The following C4BPB variants were observed in gnomAD, a reference collection of about 807,000 sequenced individuals.
The protein encoded by C4BPB is complement component 4 binding protein beta, also known as C4b-binding protein beta chain.
C4BPB carries 19 observed loss-of-function variants against 26.6 expected under a neutral mutation model. The observed-to-expected ratio is 0.71, with a 90% CI of 0.50 to 1.05. The LOEUF is 1.05. Among genes scored for constraint, C4BPB ranks in the 50% least tolerant of loss-of-function variants. The pLI is 0.00. For missense variants in C4BPB, 282 were observed against 302.9 expected, an observed-to-expected ratio of 0.93 and a Z score of 0.51; for synonymous variants, 118 against 103.5, an observed-to-expected ratio of 1.14 and a Z score of -0.85.
In C4BPB at chr1:207,089,590, G is replaced by T; in HGVS notation, c.58+1G>T. ...GCGTGGCGAGTTTCTGCTTCAGATGGTACGTATGCTTTCCTTCAACTCAGC... is the reference window on the plus strand; with the variant it reads ...GCGTGGCGAGTTTCTGCTTCAGATGTTACGTATGCTTTCCTTCAACTCAGC... On this transcript the variant is annotated splice_donor_variant, in intron 2 of 6. Coordinates refer to ENST00000367078, the MANE Select transcript of C4BPB (RefSeq NM_001017365.3). LOFTEE classifies it high-confidence loss of function. 1 of 1,613,856 alleles carries T rather than the reference G, an allele frequency of 6.2e-7. No homozygotes were observed. The highest frequency in any genetic ancestry group is 8.5e-7 in the Non-Finnish European group (1 of 1,179,796).
rs760444339 is a variant in C4BPB at position 207,098,144 on chromosome 1, G to T, written c.504-6G>T. The stretch of plus-strand genomic sequence containing the variant: ...AAAGCTAAGCCTTGTTCTAATTTCT[G>T]TTCAGGTACTACTTAGTGGGCGTGC... On this transcript the variant is annotated splice_polypyrimidine_tract_variant and splice_region_variant and intron_variant, in intron 5 of 6. Coordinates refer to ENST00000367078, the MANE Select transcript of C4BPB (RefSeq NM_001017365.3). 4 of 1,610,470 alleles carry T rather than the reference G, an allele frequency of 2.5e-6. No homozygotes were observed. The Admixed American group carries it at 6.7e-5, about 27-fold the overall frequency.
In C4BPB at chr1:207,092,461, C is replaced by G. The variant is rs144626402; in HGVS notation, c.409+641C>G. ...TATATACATGGCCACTTTCCTACAC[C>G]AGTCCATGTAGCTCTATTGCCCGCT... On this transcript the variant is annotated intron_variant, in intron 4 of 6. Coordinates refer to ENST00000367078, the MANE Select transcript of C4BPB (RefSeq NM_001017365.3). Among the ~76,000 whole-genome samples, 132 of 152,018 alleles carry G rather than the reference C, an allele frequency of 8.7e-4. 1 individual carries two copies. In the Middle Eastern group the frequency reaches 0.01, roughly 12 times the overall value.
chr1:207,095,722 G>T, intron 4 of C4BPB: 2 of 322,742 alleles, frequency 6.2e-6, no homozygotes, highest in South Asian at 2.5e-5. Flanking sequence ...GTTGGAGGTG[G>T]TGCTTGGTGG....
chr1:207,099,443 G>T (rs1684381647), intron 6 of C4BPB, among the ~76,000 whole-genome samples: 1 of 152,142 alleles, frequency 6.6e-6, no homozygotes, highest in Non-Finnish European at 1.5e-5. Context: ...TGTGGCCCTG[G>T]GGTTGGGGAT....
At chr1:207,089,311 T>C (rs1683925000) in intron 1 of C4BPB, 171 bp from the exon 2 acceptor site, 1 of 470,032 alleles carries the variant, frequency 2.1e-6, no homozygotes, top group South Asian at 4.3e-5. Context: ...CTTTGTATTT[T>C]TGCAGTTCCT....
intron 1 of C4BPB, 57 bp downstream of exon 1, chr1:207,089,003 A>G (rs936042269): frequency 6.4e-6 from 1 of 156,554 alleles, no homozygotes; most frequent in African/African-American, 2.4e-5. Context: ...CAGCCTTAGG[A>G]TATCTGGTAT....
rs1276862620 is a variant in C4BPB, at chr1:207,097,571, A to G, written c.504-579A>G. On this transcript the variant is annotated intron_variant, in intron 5 of 6. Coordinates refer to ENST00000367078, the MANE Select transcript of C4BPB (RefSeq NM_001017365.3). ...AAAAAAAAAAAAAAAATCAGAGAATATAAATACTAAAAAACAAACATAGAA... is the reference window on the plus strand; with the variant it reads ...AAAAAAAAAAAAAAAATCAGAGAATGTAAATACTAAAAAACAAACATAGAA... Among the ~76,000 whole-genome samples the G allele has an allele frequency of 4.0e-5, 6 of 151,782 alleles. No homozygotes were observed. In the East Asian group the frequency reaches 1.2e-3, roughly 29 times the overall value.
intron 4 of C4BPB, among the ~76,000 whole-genome samples, chr1:207,092,811 GAGACGGGGTTT>G (rs1684087884): frequency 2.6e-5 from 4 of 151,826 alleles, no homozygotes; most frequent in South Asian, 4.2e-4. Context: ...ATTTTTAGTA[GAGACGGGGTTT>G]CACCATCTTG....
In C4BPB at chr1:207,091,705, T is replaced by G; in HGVS notation, c.294T>G (p.Asn98Lys). 2 of 1,614,096 alleles carry G rather than the reference T, an allele frequency of 1.2e-6. No homozygotes were observed. The highest frequency in any genetic ancestry group is 1.7e-6 in the Non-Finnish European group (2 of 1,179,994). The change falls in exon 4 of 7, where the codon AAT (asparagine) becomes AAG (lysine). Residue 98 changes from asparagine (N) to lysine (K), a missense_variant. Transcript: ENST00000367078. ...AGTTCAGTTCTTCAGGGCCTGTGAA[T>G]GTAAGTGACAAAATCACGTTTATGT... ...NGEFSSSGPV[N>K]VSDKITFMCN...
At chr1:207,096,712 C>T in intron 5 of C4BPB, 97 bp downstream of exon 5, 1 of 692,884 alleles carries the variant, frequency 1.4e-6, no homozygotes. Flanking sequence ...ATCTGATTTC[C>T]TACTGCTGCA....
chr1:207,099,914 G>A lies in C4BPB; in HGVS notation c.744G>A (p.Lys248=). The A allele has an allele frequency of 6.2e-7, 1 of 1,612,582 alleles. No individual in the cohort carries two copies. The highest frequency in any genetic ancestry group is 1.7e-4 in the Middle Eastern group (1 of 6,060). The change falls in exon 7 of 7, where the codon AAG becomes AAA. Residue 248 remains lysine, a synonymous_variant. Transcript: ENST00000367078. ...YSLELKKAEL[K]AKLL ...TGGAGCTGAAGAAAGCTGAGTTGAA[G>A]GCAAAATTGTTGTAACACTACAGCT...
At chr1:207,099,623 G>A (rs1684387206) in intron 6 of C4BPB, among the ~76,000 whole-genome samples, 166 bp from the exon 7 acceptor site, 1 of 152,150 alleles carries the variant, frequency 6.6e-6, no homozygotes, top group Non-Finnish European at 1.5e-5. Context: ...GTATATTTAA[G>A]CCAGAAAATA....
In C4BPB at chr1:207,098,193, G is replaced by C. The variant is rs1684335502; in HGVS notation, c.547G>C (p.Glu183Gln). ...GCAGGAGCAGCAATGCGTTGATGGG[G>C]AGTGGAGCAGTGCACTTCCAGTCTG... ...GVQEQQCVDGEWSSALPVCKL... is the reference protein window; with the variant it reads ...GVQEQQCVDGQWSSALPVCKL... Residue 183 changes from glutamate (E) to glutamine (Q), a missense_variant, in exon 6 of 7, where the codon GAG (glutamate) becomes CAG (glutamine). Coordinates refer to ENST00000367078, the MANE Select transcript of C4BPB (RefSeq NM_001017365.3). 1.2e-6 allele frequency: 2 copies of C among 1,613,998 alleles called. No homozygotes were observed.
At chr1:207,092,341 A>G (rs1684061194) in intron 4 of C4BPB, among the ~76,000 whole-genome samples, 1 of 152,274 alleles carries the variant, frequency 6.6e-6, no homozygotes. Context: ...TTAAATAAGC[A>G]TTAAATGCCA....
intron 1 of C4BPB, 120 bp from the exon 2 acceptor site, chr1:207,089,362 G>C (rs541195698): frequency 2.3e-4 from 132 of 575,738 alleles, no homozygotes; most frequent in Non-Finnish European, 3.5e-4. Context: ...ATTTCCTGTC[G>C]TAAGATTTTT....
At position 207,098,275 on chromosome 1, in the gene C4BPB, G is replaced by A. The variant is rs1415579941; in HGVS notation, c.618+11G>A. On this transcript the variant is annotated intron_variant, in intron 6 of 6. Coordinates refer to ENST00000367078, the MANE Select transcript of C4BPB (RefSeq NM_001017365.3). Reference sequence around the variant, plus strand: ...TGTGAGAAGGCACTTGTAAGTAGGAGGCTCATATCTGTCTTGTTCACAGCT... The same window carrying A: ...TGTGAGAAGGCACTTGTAAGTAGGAAGCTCATATCTGTCTTGTTCACAGCT... The A allele has an allele frequency of 6.7e-7, 1 of 1,491,944 alleles. No individual in the cohort carries two copies. The allele number at this position is 1,491,944 out of a possible 1,614,324, so 92.4% of individuals were successfully genotyped here. A position where few individuals can be genotyped will look rare whatever the true frequency, so the allele number is the denominator to read the frequency against.
Position 207,090,301 on chromosome 1 carries a change from C to T in C4BPB, c.59-7C>T, listed in dbSNP as rs1222985899. 2 of 1,587,896 alleles carry T rather than the reference C, an allele frequency of 1.3e-6. No homozygotes were observed. The highest frequency in any genetic ancestry group is 1.7e-6 in the Non-Finnish European group (2 of 1,170,818). ...GCCAAGTGAATCTGTTTTCTTTTTT[C>T]TTCCAGCAGAGCACTGTCCAGAGCT... is the stretch of plus-strand genomic sequence containing the variant. On this transcript the variant is annotated splice_region_variant and splice_polypyrimidine_tract_variant and intron_variant, in intron 2 of 6. Transcript: ENST00000367078.
chr1:207,091,468 TCTC>T (rs1254783106), intron 3 of C4BPB, among the ~76,000 whole-genome samples, 173 bp from the exon 4 acceptor site: 3 of 152,226 alleles, frequency 2.0e-5, no homozygotes, highest in Non-Finnish European at 2.9e-5. Context: ...CTTAGGTCAA[TCTC>T]CTCTTTTTTT....
chr1:207,090,742 AT>A (rs149283546), intron 3 of C4BPB, among the ~76,000 whole-genome samples: 7,275 of 151,494 alleles, frequency 0.048, 560 homozygotes, highest in African/African-American at 0.16. Flanking sequence ...ATTAGAACTA[AT>A]TTTTTTTTGC....
Sources: gnomAD v4.1 joint callset for allele counts (sites outside exome capture counted in the v4.1 genomes callset) on GRCh38, gnomAD v4.1.1 for gene constraint, MANE v1.5 for transcripts, NCBI Gene and HGNC (gene_info 2026-07-23, HGNC 2026-07-21) for gene names.